APP: variants seen among roughly 807,000 people sequenced by gnomAD.
The protein encoded by APP is amyloid-beta precursor protein.
In APP, 31 loss-of-function variants were observed where a neutral mutation model predicts 101.4. The ratio of observed to expected loss-of-function variants is 0.31; its 90% CI spans 0.23 to 0.41. APP has a LOEUF of 0.41. APP is among the 10% of genes least tolerant of loss of function. The pLI, the probability that APP is intolerant of heterozygous loss-of-function variation, is 1.00. For synonymous variants in APP, 366 were observed against 364.4 expected (o/e 1.00, Z -0.05); for missense variants, 839 against 1,003.7 (o/e 0.84, Z 2.22).
At chr21:25,933,923 G>C (rs996644807) in intron 13 of APP, 1 of 151,948 alleles carries the variant, frequency 6.6e-6, no homozygotes, top group South Asian at 2.1e-4. Flanking sequence ...AAACATAACC[G>C]CATTATGGGT....
intron 1 of APP, among the ~76,000 whole-genome samples, chr21:26,130,704 T>C (rs1359598175): frequency 1.3e-5 from 2 of 152,248 alleles, no homozygotes; most frequent in African/African-American, 4.8e-5. Flanking sequence ...GGCAAATTCC[T>C]GTTTCTAGAT....
chr21:26,057,160 C>G (rs1028563521), intron 3 of APP, among the ~76,000 whole-genome samples: 1 of 152,148 alleles, frequency 6.6e-6, no homozygotes, highest in Non-Finnish European at 1.5e-5. Flanking sequence ...AGCCTATGAT[C>G]GTATATACCT....
intron 3 of APP, among the ~76,000 whole-genome samples, chr21:26,073,637 A>C (rs908302299): frequency 1.3e-5 from 2 of 152,180 alleles, no homozygotes; most frequent in Non-Finnish European, 2.9e-5. Context: ...GGGAGCTCTA[A>C]AGAAGAGGAA....
intron 2 of APP, among the ~76,000 whole-genome samples, chr21:26,097,465 C>G (rs544923418): frequency 1.3e-5 from 2 of 152,142 alleles, no homozygotes; most frequent in South Asian, 2.1e-4. Flanking sequence ...TATTATAAAC[C>G]TATCTCTTAA....
chr21:25,976,172 A>G, intron 9 of APP, 144 bp from the exon 10 acceptor site: 1 of 653,126 alleles, frequency 1.5e-6, no homozygotes, highest in Non-Finnish European at 2.7e-6. Context: ...TCCTATCTGA[A>G]GAATATTTGA....
intron 1 of APP, among the ~76,000 whole-genome samples, chr21:26,167,953 C>T (rs889356602): frequency 6.6e-6 from 1 of 152,114 alleles, no homozygotes; most frequent in Non-Finnish European, 1.5e-5. Flanking sequence ...TTCTGTGTGT[C>T]GGCTTCTACC....
At chr21:26,060,053 A>C (rs1368360089) in intron 3 of APP, among the ~76,000 whole-genome samples, 1 of 152,134 alleles carries the variant, frequency 6.6e-6, no homozygotes, top group African/African-American at 2.4e-5. Flanking sequence ...TTGCTCAATA[A>C]ATTATATTAA....
chr21:26,059,909 AAAAAAAAAAAAAAAG>A (rs1459892387), intron 3 of APP, among the ~76,000 whole-genome samples: 49 of 148,636 alleles, frequency 3.3e-4, no homozygotes, highest in Admixed American at 1.1e-3. Context: ...AAAAAAAAAA[AAAAAAAAAAAAAAAG>A]AGAGGGTGAG....
At chr21:25,903,999 G>GC (rs2038654009) in intron 15 of APP, among the ~76,000 whole-genome samples, 1 of 60 alleles carries the variant, frequency 0.017, no homozygotes, top group Non-Finnish European at 0.045. Context: ...TGGGTCTCCT[G>GC]GTCTGCTGCT....
intron 8 of APP, among the ~76,000 whole-genome samples, chr21:25,996,357 TATAAC>T (rs2043055711): frequency 6.6e-6 from 1 of 152,156 alleles, no homozygotes; most frequent in Non-Finnish European, 1.5e-5. Context: ...AACCGGGTCT[TATAAC>T]ACACATAAAT....
Position 25,891,804 on chromosome 21 carries a change from A to C in APP, c.2129T>G (p.Val710Gly). The change falls in exon 17 of 18, where the codon GTT becomes GGT. Residue 710 changes from valine to glycine, a missense_variant. By Grantham distance (109) the Val-to-Gly change is moderately radical. Transcript: ENST00000346798. ...GATGACGATCACTGTCGCTATGACA[A>C]CACCGCCCACCATGAGTCCAATGAT... ...GAIIGLMVGG[V>G]VIATVIVITL... 1 of 1,614,168 alleles carries C rather than the reference A, an allele frequency of 6.2e-7. No homozygotes were observed.
chr21:26,068,688 C>A (rs545526378), intron 3 of APP, among the ~76,000 whole-genome samples: 6 of 152,138 alleles, frequency 3.9e-5, no homozygotes, highest in Non-Finnish European at 7.3e-5. Flanking sequence ...TCTTTAAATT[C>A]AATCTTCTCC....
intron 14 of APP, among the ~76,000 whole-genome samples, chr21:25,911,109 A>G (rs1291198350): frequency 6.6e-6 from 1 of 152,250 alleles, no homozygotes. Context: ...ATTCCTACCA[A>G]AAGTCATCAC....
intron 16 of APP, among the ~76,000 whole-genome samples, chr21:25,892,962 CAA>C (rs71183519): frequency 1.2e-3 from 54 of 45,448 alleles, no homozygotes; most frequent in African/African-American, 3.9e-3. Context: ...AAAAAAAAAA[CAA>C]AAAGGTTTCT....
intron 8 of APP, among the ~76,000 whole-genome samples, chr21:25,993,009 C>T (rs1215269350): frequency 2.6e-5 from 4 of 152,220 alleles, no homozygotes; most frequent in Non-Finnish European, 5.9e-5. Flanking sequence ...CTTATGGCTC[C>T]TGTCTTTACA....
intron 1 of APP, among the ~76,000 whole-genome samples, chr21:26,159,083 T>C (rs1159590852): frequency 6.6e-6 from 1 of 150,930 alleles, no homozygotes; most frequent in Non-Finnish European, 1.5e-5. Context: ...AATAAGATAG[T>C]AAATTTTTTT....
At chr21:25,947,066 A>T (rs904026512) in intron 13 of APP, among the ~76,000 whole-genome samples, 1 of 152,236 alleles carries the variant, frequency 6.6e-6, no homozygotes, top group African/African-American at 2.4e-5. Context: ...AGAAATACAT[A>T]AAAGAAAGTA....
At chr21:25,904,463 T>C (rs1406061056) in intron 15 of APP, among the ~76,000 whole-genome samples, 1 of 152,256 alleles carries the variant, frequency 6.6e-6, no homozygotes, top group Non-Finnish European at 1.5e-5. Context: ...TAGCCACTCA[T>C]TGAGAATAAG....
At chr21:26,083,155 C>T (rs2061631148) in intron 3 of APP, among the ~76,000 whole-genome samples, 1 of 152,050 alleles carries the variant, frequency 6.6e-6, no homozygotes, top group South Asian at 2.1e-4. Flanking sequence ...TTTTATTACA[C>T]CAACTATAAG....
Sources: allele counts gnomAD v4.1 joint callset (sites outside exome capture counted in the v4.1 genomes callset), GRCh38; gene constraint gnomAD v4.1.1; transcripts MANE v1.5; gene names NCBI Gene and HGNC (gene_info 2026-07-23, HGNC 2026-07-21).